Variants in SOBP observed in about 807,000 individuals in gnomAD.
The protein encoded by SOBP is sine oculis-binding protein homolog.
In SOBP, 4 loss-of-function variants were observed where a neutral mutation model predicts 53.6. The ratio of observed to expected loss-of-function variants is 0.07; its 90% CI spans 0.04 to 0.17. The LOEUF is 0.17. Among genes scored for constraint, SOBP ranks in the 10% least tolerant of loss-of-function variants. The pLI is 1.00. For synonymous variants in SOBP, 584 were observed against 522.6 expected, an observed-to-expected ratio of 1.12 and a Z score of -1.60; for missense variants, 1,088 against 1,204.7, an observed-to-expected ratio of 0.90 and a Z score of 1.43.
intron 5 of SOBP, among the ~76,000 whole-genome samples, chr6:107,604,559 C>T (rs1786299741): frequency 6.6e-6 from 1 of 151,548 alleles, no homozygotes; most frequent in Non-Finnish European, 1.5e-5. Context: ...CCCTACCCCA[C>T]CTCTACCCAC....
intron 6 of SOBP, among the ~76,000 whole-genome samples, chr6:107,651,566 A>T (rs1771802946): frequency 6.6e-6 from 1 of 152,272 alleles, no homozygotes; most frequent in African/African-American, 2.4e-5. Context: ...GCAAGTGCTG[A>T]TGTAGAAGCT....
intron 3 of SOBP, among the ~76,000 whole-genome samples, chr6:107,533,243 A>G (rs1490538914): frequency 7.4e-6 from 1 of 135,540 alleles, no homozygotes; most frequent in Non-Finnish European, 1.6e-5. Context: ...CTGGTTTTTA[A>G]GTAAATGTCT....
intron 5 of SOBP, among the ~76,000 whole-genome samples, chr6:107,593,903 G>A (rs1785848970): frequency 6.6e-6 from 1 of 152,218 alleles, no homozygotes; most frequent in Non-Finnish European, 1.5e-5. Flanking sequence ...CTGAGAAAGG[G>A]TTGAACATCT....
intron 4 of SOBP, among the ~76,000 whole-genome samples, chr6:107,570,171 C>T (rs904483776): frequency 2.6e-5 from 4 of 152,188 alleles, no homozygotes; most frequent in African/African-American, 4.8e-5. Context: ...TCCTTCGTCT[C>T]CTGCAAAGTG....
At chr6:107,534,813 A>T (rs984557415) in intron 4 of SOBP, among the ~76,000 whole-genome samples, 1 of 152,210 alleles carries the variant, frequency 6.6e-6, no homozygotes, top group African/African-American at 2.4e-5. Flanking sequence ...TCAGCAGTCA[A>T]GTTCACTTTC....
At position 107,634,684 on chromosome 6, in the gene SOBP, G is replaced by T; in HGVS notation, c.1840G>T (p.Glu614Ter). 2 of 1,527,452 alleles carry T rather than the reference G, an allele frequency of 1.3e-6. No individual in the cohort carries two copies. Among genetic ancestry groups the T allele is most frequent in the African/African-American group, 1.4e-5 (1 of 71,918 alleles). 94.6% of individuals were successfully genotyped at this position (1,527,452 alleles called of 1,614,324 possible). A position where few individuals can be genotyped will look rare whatever the true frequency, so the allele number is the denominator to read the frequency against. Residue 614 changes from glutamate (E) to a stop codon, truncating the protein, a stop_gained, in exon 6 of 7, where the codon GAG (glutamate) becomes TAG (stop). Coordinates refer to ENST00000317357, the MANE Select transcript of SOBP (RefSeq NM_018013.4). LOFTEE classifies it high-confidence loss of function. The surrounding 1 kb of genome is among the most constrained non-coding windows in gnomAD (Gnocchi z 4.5). ...QALSLAPTPA[E>*]HGRSEVVDLT... Reference sequence around the variant, plus strand: ...CCTGAGCCTGGCGCCCACGCCCGCCGAGCATGGCCGGAGCGAGGTGGTGGA... The same window carrying T: ...CCTGAGCCTGGCGCCCACGCCCGCCTAGCATGGCCGGAGCGAGGTGGTGGA...
chr6:107,499,497 T>C (rs1011263609), intron 1 of SOBP, among the ~76,000 whole-genome samples: 1 of 152,224 alleles, frequency 6.6e-6, no homozygotes, highest in African/African-American at 2.4e-5. Flanking sequence ...AGATGATTTT[T>C]GTGTCACTTC....
intron 6 of SOBP, among the ~76,000 whole-genome samples, chr6:107,650,136 C>T (rs879512018): frequency 8.6e-5 from 13 of 152,014 alleles, no homozygotes; most frequent in Non-Finnish European, 1.3e-4. Flanking sequence ...AAAACAAGGC[C>T]TTATAATTGG....
At chr6:107,638,076 A>G (rs987969025) in intron 6 of SOBP, among the ~76,000 whole-genome samples, 5 of 152,326 alleles carry the variant, frequency 3.3e-5, no homozygotes, top group African/African-American at 1.2e-4. Context: ...AGATGGGGGA[A>G]AAACCACCTC....
chr6:107,643,353 A>C (rs566320075), intron 6 of SOBP, among the ~76,000 whole-genome samples: 44 of 152,180 alleles, frequency 2.9e-4, no homozygotes, highest in Non-Finnish European at 6.0e-4. Flanking sequence ...TTACATGTAA[A>C]ACTTTGTCCT....
intron 3 of SOBP, among the ~76,000 whole-genome samples, chr6:107,526,961 A>G (rs1013224844): frequency 4.6e-5 from 7 of 152,244 alleles, no homozygotes; most frequent in African/African-American, 1.7e-4. Context: ...ACAAAAGAAA[A>G]TTAGGGATAA....
At chr6:107,604,564 A>G (rs1786300270) in intron 5 of SOBP, among the ~76,000 whole-genome samples, 1 of 119,836 alleles carries the variant, frequency 8.3e-6, no homozygotes, top group Non-Finnish European at 1.7e-5. Context: ...CCCCACCTCT[A>G]CCCACATCCC....
chr6:107,549,525 G>A (rs1289332820), intron 4 of SOBP, among the ~76,000 whole-genome samples: 1 of 151,568 alleles, frequency 6.6e-6, no homozygotes, highest in African/African-American at 2.4e-5. Flanking sequence ...AAAGAAGAAA[G>A]TTAAAGTGCC....
intron 5 of SOBP, among the ~76,000 whole-genome samples, chr6:107,605,984 A>G (rs549876506): frequency 2.6e-5 from 4 of 152,072 alleles, no homozygotes; most frequent in African/African-American, 9.6e-5. Flanking sequence ...CCTTATCAAT[A>G]TAGGACACAT....
At chr6:107,581,781 C>A (rs891103178) in intron 4 of SOBP, among the ~76,000 whole-genome samples, 2 of 152,216 alleles carry the variant, frequency 1.3e-5, no homozygotes, top group African/African-American at 4.8e-5. Context: ...CTGGTTCCAA[C>A]AATTAGTTAT....
At chr6:107,593,978 G>A (rs1447806964) in intron 5 of SOBP, among the ~76,000 whole-genome samples, 1 of 152,192 alleles carries the variant, frequency 6.6e-6, no homozygotes, top group Non-Finnish European at 1.5e-5. Context: ...AAATGTTGCT[G>A]ACTTATGAAG....
intron 4 of SOBP, among the ~76,000 whole-genome samples, chr6:107,548,798 T>TTCCC (rs1784380873): frequency 6.6e-6 from 1 of 151,942 alleles, no homozygotes; most frequent in Non-Finnish European, 1.5e-5. Context: ...ATCACCCAGG[T>TTCCC]GTGATGGTGA....
intron 5 of SOBP, among the ~76,000 whole-genome samples, chr6:107,612,192 G>A (rs1181995847): frequency 2.0e-5 from 3 of 152,168 alleles, no homozygotes; most frequent in African/African-American, 4.8e-5. Context: ...TTGAGTAGGC[G>A]TTAATTATTG....
chr6:107,614,556 C>T (rs773659266), intron 5 of SOBP, among the ~76,000 whole-genome samples: 1 of 152,200 alleles, frequency 6.6e-6, no homozygotes, highest in Non-Finnish European at 1.5e-5. Context: ...GAAGGCAGTT[C>T]TCTTCTCAGT....
Sources: gnomAD v4.1 joint callset for allele counts (sites outside exome capture counted in the v4.1 genomes callset) on GRCh38, gnomAD v4.1.1 for gene constraint, Gnocchi (gnomAD v3.1) non-coding constraint, MANE v1.5 for transcripts, NCBI Gene and HGNC (gene_info 2026-07-23, HGNC 2026-07-21) for gene names.